GPHN: variants seen among roughly 807,000 people sequenced by gnomAD.
The protein encoded by GPHN is gephyrin.
A neutral mutation model predicts 95.5 loss-of-function variants in GPHN; 17 were observed. The observed-to-expected ratio is 0.18, with a 90% CI of 0.12 to 0.27. GPHN has a LOEUF of 0.27. GPHN is among the 10% of genes least tolerant of loss of function. The pLI is 1.00. For missense variants in GPHN, 660 were observed against 978.1 expected, an observed-to-expected ratio of 0.67 and a Z score of 4.34; for synonymous variants, 320 against 322.5, an observed-to-expected ratio of 0.99 and a Z score of 0.08.
At chr14:66,603,210 A>C (rs992478194) in intron 1 of GPHN, among the ~76,000 whole-genome samples, 26 of 151,962 alleles carry the variant, frequency 1.7e-4, no homozygotes, top group Middle Eastern at 3.2e-3. Flanking sequence ...TTAGATTACA[A>C]AAAGAATATG....
In GPHN at chr14:67,029,785, G is replaced by C. The variant is rs116469441; in HGVS notation, c.1006+6110G>C. On this transcript the variant is annotated intron_variant, in intron 10 of 22. Coordinates refer to ENST00000478722, the MANE Select transcript of GPHN (RefSeq NM_020806.5). ...GATAATTTGGCTGCCACCTCTGAGA[G>C]CAGAGTTTTAAGAAAATGGATGCAT... is the stretch of plus-strand genomic sequence containing the variant. Among the ~76,000 whole-genome samples, 1,081 of 152,292 alleles carry C rather than the reference G, an allele frequency of 7.1e-3. 5 individuals carry two copies. The highest frequency in any genetic ancestry group is 0.025 in the African/African-American group (1,032 of 41,564).
chr14:67,707,510 C>G, the GPHN span, among the ~76,000 whole-genome samples: 7 of 152,170 alleles, frequency 4.6e-5, no homozygotes, highest in Non-Finnish European at 7.4e-5. Context: ...CTCACTGCAA[C>G]CTCCACCTCC....
chr14:66,653,129 G>A (rs957922279), intron 1 of GPHN, among the ~76,000 whole-genome samples: 11 of 152,082 alleles, frequency 7.2e-5, no homozygotes, highest in African/African-American at 2.7e-4. Flanking sequence ...ATGTTTTGCA[G>A]TGTTCCCAGC....
chr14:67,645,182 T>C, the GPHN span, among the ~76,000 whole-genome samples: 1 of 152,022 alleles, frequency 6.6e-6, no homozygotes, highest in Admixed American at 6.6e-5. Context: ...GATTTCTTTT[T>C]TTTTTTTCAT....
At chr14:66,609,503 G>A (rs1460155026) in intron 1 of GPHN, among the ~76,000 whole-genome samples, 2 of 151,760 alleles carry the variant, frequency 1.3e-5, no homozygotes, top group Non-Finnish European at 1.5e-5. Context: ...GTGAGATTGG[G>A]GTATTTTTCA....
At chr14:67,627,949 C>T in the GPHN span, among the ~76,000 whole-genome samples, 2 of 152,184 alleles carry the variant, frequency 1.3e-5, no homozygotes, top group South Asian at 2.1e-4. Context: ...TAAAGTCACT[C>T]TGATATGTAT....
chr14:66,884,816 GTGTA>G (rs2064110739), intron 5 of GPHN, among the ~76,000 whole-genome samples: 1 of 135,098 alleles, frequency 7.4e-6, no homozygotes, highest in African/African-American at 2.9e-5. Context: ...GTATGTGTGT[GTGTA>G]TATATATATA....
chr14:66,947,794 C>CA (rs2067853516), intron 8 of GPHN, among the ~76,000 whole-genome samples: 1 of 151,938 alleles, frequency 6.6e-6, no homozygotes, highest in Non-Finnish European at 1.5e-5. Context: ...CCTGTCTCTA[C>CA]AAAAAGTAAA....
chr14:67,680,602 G>A, the GPHN span, among the ~76,000 whole-genome samples: 3 of 152,050 alleles, frequency 2.0e-5, no homozygotes, highest in Non-Finnish European at 4.4e-5. Context: ...AGGACCACAG[G>A]GACACGCCAC....
At chr14:67,410,588 G>A in the GPHN span, among the ~76,000 whole-genome samples, 1,815 of 152,278 alleles carry the variant, frequency 0.012, 17 homozygotes, top group Non-Finnish European at 0.018. Flanking sequence ...CTTGCTTACT[G>A]TTTACAGCAA....
chr14:66,546,395 G>A (rs1594907193), intron 1 of GPHN, among the ~76,000 whole-genome samples: 2 of 152,088 alleles, frequency 1.3e-5, no homozygotes, highest in Non-Finnish European at 2.9e-5. Flanking sequence ...CTGCAATCTC[G>A]GCACTTTGGG....
the GPHN span, chr14:67,533,331 C>T: frequency 6.6e-6 from 1 of 151,420 alleles, no homozygotes. Flanking sequence ...GCAAGGTCGG[C>T]TGCGGCGGCG....
chr14:67,152,987 T>C (rs564468706), intron 18 of GPHN, among the ~76,000 whole-genome samples: 1 of 150,432 alleles, frequency 6.6e-6, no homozygotes, highest in South Asian at 2.1e-4. Flanking sequence ...GTTCACTGTC[T>C]TAGCTTAGGC....
At chr14:67,709,947 A>T in the GPHN span, among the ~76,000 whole-genome samples, 1 of 152,212 alleles carries the variant, frequency 6.6e-6, no homozygotes, top group Non-Finnish European at 1.5e-5. Context: ...GCTCACTGAG[A>T]TAGATACATA....
intron 21 of GPHN, among the ~76,000 whole-genome samples, chr14:67,174,720 C>A (rs1474427523): frequency 6.6e-6 from 1 of 152,202 alleles, no homozygotes; most frequent in Non-Finnish European, 1.5e-5. Flanking sequence ...GTTCCTATTT[C>A]TCCACATCCT....
chr14:67,472,201 C>T, the GPHN span: 3 of 152,242 alleles, frequency 2.0e-5, no homozygotes, highest in African/African-American at 7.2e-5. Flanking sequence ...GAACTGATAC[C>T]CTCCCACAAA....
At chr14:67,575,602 C>G in the GPHN span, 11 of 750,644 alleles carry the variant, frequency 1.5e-5, no homozygotes, top group East Asian at 2.9e-4. Flanking sequence ...TTGGCTGGAT[C>G]CCTCCAGAGT....
chr14:66,696,156 T>C (rs1446008212), intron 2 of GPHN, among the ~76,000 whole-genome samples: 3 of 152,186 alleles, frequency 2.0e-5, no homozygotes, highest in African/African-American at 7.2e-5. Flanking sequence ...TTCCTAAAGA[T>C]GCTATGAATT....
At chr14:67,225,112 C>A in the GPHN span, 1 of 1,563,662 alleles carries the variant, frequency 6.4e-7, no homozygotes, top group Admixed American at 1.9e-5. Context: ...TCTTTTTTCC[C>A]TCTAGTTCTC....
Sources: allele counts gnomAD v4.1 joint callset (sites outside exome capture counted in the v4.1 genomes callset), GRCh38; gene constraint gnomAD v4.1.1; transcripts MANE v1.5; gene names NCBI Gene and HGNC (gene_info 2026-07-23, HGNC 2026-07-21).